The following HERC6 variants were observed in gnomAD, a reference collection of about 807,000 sequenced individuals.
HERC6 encodes the protein probable E3 ubiquitin-protein ligase HERC6.
In HERC6, 101 loss-of-function variants were observed where a neutral mutation model predicts 114.5. The ratio of observed to expected loss-of-function variants is 0.88; its 90% CI spans 0.75 to 1.04. The LOEUF (loss-of-function observed/expected upper bound fraction) is 1.04. Ranked by LOEUF, HERC6 falls within the 50% of genes least tolerant of loss-of-function variation. The pLI is 0.00. For synonymous variants in HERC6, 408 were observed against 436.2 expected, an observed-to-expected ratio of 0.94 and a Z score of 0.81; for missense variants, 1,133 against 1,230.9, an observed-to-expected ratio of 0.92 and a Z score of 1.19.
chr4:88,439,719 C>G, intron 20 of HERC6, 155 bp from the exon 21 acceptor site: 1 of 586,830 alleles, frequency 1.7e-6, no homozygotes, highest in Non-Finnish European at 2.6e-6. Context: ...TCTAGCTGAC[C>G]AGGTTTTGGT....
intron 15 of HERC6, among the ~76,000 whole-genome samples, chr4:88,426,622 G>A (rs1454706798): frequency 6.6e-6 from 1 of 151,406 alleles, no homozygotes; most frequent in Non-Finnish European, 1.5e-5. Flanking sequence ...TGGGATTACA[G>A]GCACCCACCA....
chr4:88,423,817 T>A (rs1737315192), intron 13 of HERC6, 43 bp from the exon 14 acceptor site: 1 of 867,654 alleles, frequency 1.2e-6, no homozygotes, highest in Admixed American at 3.3e-5. Flanking sequence ...ATTAAATCAC[T>A]TATTGATAGA....
rs1739444806 is a variant in HERC6 at position 88,442,517 on chromosome 4, T to C, written c.*57T>C. On this transcript the variant is annotated 3_prime_UTR_variant, in exon 23 of 23. Coordinates refer to ENST00000264346, the MANE Select transcript of HERC6 (RefSeq NM_017912.4). ...CACACTTGGATCCTTCTGTTCTTCC[T>C]TACACCTAAATAATACAAGAGATTA... The C allele has an allele frequency of 3.3e-6, 4 of 1,226,922 alleles. No homozygotes were observed. Among genetic ancestry groups the C allele is most frequent in the Non-Finnish European group, 3.6e-6 (3 of 842,192 alleles). The allele number at this position is 1,226,922 out of a possible 1,614,324, so 76.0% of individuals were successfully genotyped here. A position where few individuals can be genotyped will look rare whatever the true frequency, so the allele number is the denominator to read the frequency against.
At chr4:88,390,179 A>T (rs1184072368) in intron 3 of HERC6, among the ~76,000 whole-genome samples, 1 of 120,748 alleles carries the variant, frequency 8.3e-6, no homozygotes, top group East Asian at 3.1e-4. Context: ...CTCTGTATCA[A>T]AAAAAAAAAA....
chr4:88,386,506 C>T (rs147953636), intron 3 of HERC6, among the ~76,000 whole-genome samples: 3,262 of 151,974 alleles, frequency 0.021, 113 homozygotes, highest in African/African-American at 0.074. Context: ...GTGCCCGGTC[C>T]CCAATTTATA....
chr4:88,403,039 G>T (rs1300152233), intron 8 of HERC6, among the ~76,000 whole-genome samples: 1 of 152,220 alleles, frequency 6.6e-6, no homozygotes, highest in Non-Finnish European at 1.5e-5. Context: ...GGAGGCATAG[G>T]TATAAGTTAT....
intron 4 of HERC6, 95 bp downstream of exon 4, chr4:88,390,974 G>T: frequency 9.9e-7 from 1 of 1,012,344 alleles, no homozygotes; most frequent in East Asian, 2.6e-5. Context: ...TAAAACAGTG[G>T]TTCCCAAACT....
rs1336071174 is a variant in HERC6, at chr4:88,435,754, C to T, written c.2280C>T (p.Leu760=). 4.4e-6 allele frequency: 7 copies of T among 1,575,372 alleles called. No homozygotes were observed. The highest frequency in any genetic ancestry group is 6.0e-6 in the Non-Finnish European group (7 of 1,160,212). The change falls in exon 18 of 23, where the codon CTC becomes CTT. Residue 760 remains leucine (L), a synonymous_variant. Transcript: ENST00000264346. ...KPKPEKKRYF[L]FGMLCGLSLF... is the part of the protein sequence containing the mutation. ...AACCTGAGAAGAAAAGATATTTCCT[C>T]TTTGGAATGCTGTGTGGACTCTCCT...
At chr4:88,379,793 A>AAT (rs1734092385) in intron 1 of HERC6, among the ~76,000 whole-genome samples, 7 of 87,148 alleles carry the variant, frequency 8.0e-5, no homozygotes, top group East Asian at 3.7e-4. Flanking sequence ...ATAACATATA[A>AAT]ATATATATAA....
Position 88,431,221 on chromosome 4 carries a change from C to G in HERC6, c.2166C>G (p.His722Gln). 1 of 1,613,230 alleles carries G rather than the reference C, an allele frequency of 6.2e-7. No homozygotes were observed. The highest frequency in any genetic ancestry group is 8.5e-7 in the Non-Finnish European group (1 of 1,179,408). Reference sequence around the variant, plus strand: ...GAGGGGTTAGTTCAGAGTTCTTCCACTGTATGTTTGAAGAGATGACCAAGC... The same window carrying G: ...GAGGGGTTAGTTCAGAGTTCTTCCAGTGTATGTTTGAAGAGATGACCAAGC... ...ESGGVSSEFFHCMFEEMTKPE... is the reference protein window; with the variant it reads ...ESGGVSSEFFQCMFEEMTKPE... The change falls in exon 17 of 23, where the codon CAC (histidine) becomes CAG (glutamine). Residue 722 changes from histidine (H) to glutamine (Q), a missense_variant. Transcript: ENST00000264346.
At chr4:88,432,033 A>C (rs115683999) in intron 17 of HERC6, among the ~76,000 whole-genome samples, 1,823 of 152,370 alleles carry the variant, frequency 0.012, 47 homozygotes, top group African/African-American at 0.042. Flanking sequence ...GTACATGCTG[A>C]GCATCCTGTA....
Position 88,417,490 on chromosome 4 carries a change from A to G in HERC6, c.1624A>G (p.Ile542Val), listed in dbSNP as rs1356286329. 6.2e-7 allele frequency: 1 copy of G among 1,611,828 alleles called. No individual in the cohort carries two copies. The highest frequency in any genetic ancestry group is 8.5e-7 in the Non-Finnish European group (1 of 1,178,856). The change falls in exon 13 of 23, where the codon ATC (isoleucine) becomes GTC (valine). Residue 542 changes from isoleucine to valine, a missense_variant. Ile to Val is a conservative substitution (Grantham distance 29). Coordinates refer to ENST00000264346, the MANE Select transcript of HERC6 (RefSeq NM_017912.4). ...GCTGATCCAGATGCTTAAAGCAGCC[A>G]TCATCTCTCAGCTGCTTCATCAGAC... ...NPLIQMLKAAIISQLLHQTKT... is the reference protein window; with the variant it reads ...NPLIQMLKAAVISQLLHQTKT...
Position 88,378,920 on chromosome 4 carries a change from G to A in HERC6, c.-2G>A, listed in dbSNP as rs776003743. ...GAGCAGGCGACAGGGCGCAGAAGCGGGATGTACTTCTGTTGGGGCGCCGAC... is the reference window on the plus strand; with the variant it reads ...GAGCAGGCGACAGGGCGCAGAAGCGAGATGTACTTCTGTTGGGGCGCCGAC... On this transcript the variant is annotated 5_prime_UTR_variant, in exon 1 of 23. Coordinates refer to ENST00000264346, the MANE Select transcript of HERC6 (RefSeq NM_017912.4). The A allele has an allele frequency of 6.3e-7, 1 of 1,588,644 alleles. No individual in the cohort carries two copies. The highest frequency in any genetic ancestry group is 8.6e-7 in the Non-Finnish European group (1 of 1,168,198).
intron 1 of HERC6, 102 bp from the exon 2 acceptor site, chr4:88,383,119 T>A: frequency 6.9e-7 from 1 of 1,441,930 alleles, no homozygotes; most frequent in Non-Finnish European, 9.3e-7. Flanking sequence ...AGACAAGAAA[T>A]CTGGATGATC....
At chr4:88,427,913 C>A (rs892099567) in intron 15 of HERC6, among the ~76,000 whole-genome samples, 1 of 152,118 alleles carries the variant, frequency 6.6e-6, no homozygotes, top group African/African-American at 2.4e-5. Flanking sequence ...TCAACAGAAA[C>A]AAGATCAGAG....
At chr4:88,383,117 A>T (rs1018781291) in intron 1 of HERC6, 104 bp from the exon 2 acceptor site, 6 of 1,437,790 alleles carry the variant, frequency 4.2e-6, no homozygotes, top group Non-Finnish European at 5.6e-6. Flanking sequence ...GGAGACAAGA[A>T]ATCTGGATGA....
intron 8 of HERC6, among the ~76,000 whole-genome samples, chr4:88,400,740 T>C (rs977864758): frequency 6.6e-6 from 1 of 152,238 alleles, no homozygotes; most frequent in African/African-American, 2.4e-5. Flanking sequence ...CGTTTACATA[T>C]GTTTTATTAC....
intron 8 of HERC6, among the ~76,000 whole-genome samples, chr4:88,402,874 T>C (rs981440653): frequency 2.0e-5 from 3 of 152,184 alleles, no homozygotes; most frequent in African/African-American, 7.2e-5. Context: ...GGAAAAACTC[T>C]TCCTCTTGAT....
chr4:88,394,419 G>A (rs929889547), intron 5 of HERC6, among the ~76,000 whole-genome samples: 12 of 129,836 alleles, frequency 9.2e-5, no homozygotes, highest in African/African-American at 3.6e-4. Flanking sequence ...GTTGCAGTGA[G>A]CCAAGATCGT....
Sources: gnomAD v4.1 joint callset for allele counts (sites outside exome capture counted in the v4.1 genomes callset) on GRCh38, gnomAD v4.1.1 for gene constraint, MANE v1.5 for transcripts, NCBI Gene and HGNC (gene_info 2026-07-23, HGNC 2026-07-21) for gene names.